The following CERT1 variants were observed in gnomAD, a reference collection of about 807,000 sequenced individuals.
The protein encoded by CERT1 is ceramide transfer protein.
In CERT1, 31 loss-of-function variants were observed where a neutral mutation model predicts 87.9. The observed-to-expected ratio is 0.35, with a 90% CI of 0.27 to 0.48. The LOEUF is 0.48. Among genes scored for constraint, CERT1 ranks in the 20% least tolerant of loss-of-function variants. The probability of loss-of-function intolerance (pLI) is 0.99; values close to 1 mark genes in which losing one functional copy is unlikely to be tolerated. For synonymous variants in CERT1, 289 were observed against 250.9 expected, an observed-to-expected ratio of 1.15 and a Z score of -1.44; for missense variants, 487 against 758.0, an observed-to-expected ratio of 0.64 and a Z score of 4.20.
intron 2 of CERT1, among the ~76,000 whole-genome samples, chr5:75,475,663 CT>C (rs1472569173): frequency 1.3e-5 from 2 of 151,890 alleles, no homozygotes; most frequent in Non-Finnish European, 2.9e-5. Flanking sequence ...CTTTCAGATA[CT>C]TGTTTTCCTG....
At chr5:75,404,756 C>A (rs1053142007) in intron 8 of CERT1, among the ~76,000 whole-genome samples, 15 of 152,126 alleles carry the variant, frequency 9.9e-5, no homozygotes, top group Admixed American at 9.2e-4. Context: ...TGCCTATAAA[C>A]CCAGCACTCT....
intron 15 of CERT1, 89 bp downstream of exon 15, chr5:75,381,860 G>T: frequency 8.6e-7 from 1 of 1,160,478 alleles, no homozygotes. Context: ...ATCAAGTATA[G>T]TGTATGGGCT....
At position 75,468,352 on chromosome 5, in the gene CERT1, G is replaced by C. The variant is rs995720997; in HGVS notation, c.232-9171C>G. Reference sequence around the variant, plus strand: ...GTCAACCCTCCCACAATCCTACTCAGCAGAATGCAGAGATATCTCCTCTGC... The same window carrying C: ...GTCAACCCTCCCACAATCCTACTCACCAGAATGCAGAGATATCTCCTCTGC... On this transcript the variant is annotated intron_variant, in intron 2 of 16. Coordinates refer to ENST00000643780, the MANE Select transcript of CERT1 (RefSeq NM_001379029.1). Among the ~76,000 whole-genome samples the C allele has an allele frequency of 2.0e-5, 3 of 152,094 alleles. No homozygotes were observed. In the East Asian group the frequency reaches 5.8e-4, roughly 29 times the overall value.
intron 2 of CERT1, among the ~76,000 whole-genome samples, chr5:75,503,109 G>GT (rs1370714683): frequency 6.6e-6 from 1 of 151,892 alleles, no homozygotes; most frequent in East Asian, 1.9e-4. Context: ...AAAGAATATT[G>GT]TTTTTATAAA....
At chr5:75,386,878 G>GT (rs995948079) in intron 12 of CERT1, among the ~76,000 whole-genome samples, 24 of 151,608 alleles carry the variant, frequency 1.6e-4, no homozygotes, top group African/African-American at 5.8e-4. Context: ...ATTCTTTTTT[G>GT]TTTTTTGAGA....
At chr5:75,441,389 T>C (rs1764315728) in intron 3 of CERT1, among the ~76,000 whole-genome samples, 1 of 152,216 alleles carries the variant, frequency 6.6e-6, no homozygotes. Flanking sequence ...AGAATGCATC[T>C]CTATTGTTAA....
At chr5:75,492,605 C>T (rs1017795914) in intron 2 of CERT1, among the ~76,000 whole-genome samples, 3 of 152,172 alleles carry the variant, frequency 2.0e-5, no homozygotes, top group Non-Finnish European at 2.9e-5. Flanking sequence ...CATATGTTCC[C>T]CTCATACCTC....
Position 75,381,095 on chromosome 5 carries a change from C to T in CERT1, c.1724G>A (p.Cys575Tyr). Residue 575 changes from cysteine (C) to tyrosine (Y), a missense_variant, in exon 16 of 17, where the codon TGC (cysteine) becomes TAC (tyrosine). Coordinates refer to ENST00000643780, the MANE Select transcript of CERT1 (RefSeq NM_001379029.1). ...ACCATTAGCTACATATGTAATCTTG[C>T]ATAGAATGTTGTCCCTGCTAATTTC... Reference protein sequence around the residue: ...NQEISRDNILCKITYVANVNP... With the variant: ...NQEISRDNILYKITYVANVNP... The T allele has an allele frequency of 1.9e-6, 3 of 1,614,064 alleles. No homozygotes were observed. Among genetic ancestry groups the T allele is most frequent in the African/African-American group, 1.3e-5 (1 of 75,044 alleles).
chr5:75,429,842 T>G (rs190362349), intron 3 of CERT1, among the ~76,000 whole-genome samples: 1 of 61,502 alleles, frequency 1.6e-5, no homozygotes, highest in African/African-American at 7.5e-5. Flanking sequence ...TAAGAAAAAA[T>G]GAAAAAAAAA....
At chr5:75,453,400 T>C (rs1009262808) in intron 3 of CERT1, among the ~76,000 whole-genome samples, 3 of 152,128 alleles carry the variant, frequency 2.0e-5, no homozygotes, top group African/African-American at 7.2e-5. Flanking sequence ...CTAAATAATA[T>C]AGATATGAGG....
chr5:75,506,522 T>C (rs1196139597), intron 1 of CERT1, among the ~76,000 whole-genome samples: 1 of 152,192 alleles, frequency 6.6e-6, no homozygotes, highest in East Asian at 1.9e-4. Flanking sequence ...GTTATGTATG[T>C]AGTCTCTCAT....
chr5:75,464,458 GA>G (rs1456980452), intron 2 of CERT1, among the ~76,000 whole-genome samples: 1 of 152,194 alleles, frequency 6.6e-6, no homozygotes, highest in African/African-American at 2.4e-5. Flanking sequence ...GGATGCGGGT[GA>G]AGGCAAGCAG....
At chr5:75,445,407 A>C (rs1764495000) in intron 3 of CERT1, among the ~76,000 whole-genome samples, 1 of 152,238 alleles carries the variant, frequency 6.6e-6, no homozygotes, top group African/African-American at 2.4e-5. Context: ...GGCAAATAGC[A>C]AAGCTAATTC....
intron 3 of CERT1, among the ~76,000 whole-genome samples, chr5:75,434,701 C>G (rs952789180): frequency 6.6e-6 from 1 of 151,200 alleles, no homozygotes; most frequent in Non-Finnish European, 1.5e-5. Flanking sequence ...TTCAGGATTT[C>G]ATTTACTTCC....
intron 2 of CERT1, among the ~76,000 whole-genome samples, chr5:75,498,950 A>T (rs1391819713): frequency 5.3e-5 from 8 of 152,230 alleles, no homozygotes; most frequent in African/African-American, 1.7e-4. Context: ...TACTCTGCAA[A>T]GCCACAGGGA....
At position 75,396,921 on chromosome 5, in the gene CERT1, A is replaced by G. The variant is rs527873841; in HGVS notation, c.1188+2389T>C. On this transcript the variant is annotated intron_variant, in intron 11 of 16. Transcript: ENST00000643780. ...TAATTTTACACTGTGTTGAACTGGA[A>G]GAGTTTTCCAGATAACACAATGTTT... 9.8e-5 allele frequency among the ~76,000 whole-genome samples: 15 copies of G among 152,310 alleles called. No individual in the cohort carries two copies. The South Asian group carries it at 3.1e-3, about 32-fold the overall frequency.
At chr5:75,509,825 TAG>T (rs1216102415) in intron 1 of CERT1, among the ~76,000 whole-genome samples, 2 of 152,202 alleles carry the variant, frequency 1.3e-5, no homozygotes, top group Non-Finnish European at 2.9e-5. Context: ...ATGTGTTCAA[TAG>T]AGATTCCTAA....
intron 2 of CERT1, among the ~76,000 whole-genome samples, chr5:75,462,314 G>A (rs180920890): frequency 3.3e-5 from 5 of 152,322 alleles, no homozygotes; most frequent in Admixed American, 6.5e-5. Flanking sequence ...GACAGGTTGC[G>A]GGGAATGGTT....
downstream of CERT1, chr5:75,374,744 C>T (rs188143860): frequency 7.1e-6 from 4 of 567,108 alleles, no homozygotes; most frequent in African/African-American, 1.9e-5. Flanking sequence ...GGAGAAGGAT[C>T]GAACACCTCC....
Sources: allele counts gnomAD v4.1 joint callset (sites outside exome capture counted in the v4.1 genomes callset), GRCh38; gene constraint gnomAD v4.1.1; transcripts MANE v1.5; gene names NCBI Gene and HGNC (gene_info 2026-07-23, HGNC 2026-07-21).